MLC1: variants seen among roughly 807,000 people sequenced by gnomAD.
MLC1 encodes modulator of VRAC current 1, also known as membrane protein MLC1.
MLC1 carries 32 observed loss-of-function variants against 44.7 expected under a neutral mutation model. That is an observed-to-expected ratio of 0.72 (90% CI 0.54 to 0.96). The LOEUF is 0.96. Ranked by LOEUF, MLC1 falls within the 40% of genes least tolerant of loss-of-function variation. The pLI, the probability that MLC1 is intolerant of heterozygous loss-of-function variation, is 0.00. For synonymous variants in MLC1, 190 were observed against 213.0 expected, an observed-to-expected ratio of 0.89 and a Z score of 0.94; for missense variants, 459 against 492.2, an observed-to-expected ratio of 0.93 and a Z score of 0.64.
intron 11 of MLC1, among the ~76,000 whole-genome samples, chr22:50,063,472 CAA>C (rs1186364376): frequency 3.0e-4 from 24 of 79,558 alleles, no homozygotes; most frequent in Admixed American, 9.9e-4. Flanking sequence ...GACTCCTTCT[CAA>C]AAAAAAAAAA....
intron 3 of MLC1, among the ~76,000 whole-genome samples, chr22:50,080,903 G>C (rs2281114): frequency 0.038 from 5,759 of 151,404 alleles, 197 homozygotes; most frequent in South Asian, 0.18. Context: ...CACACCTCTA[G>C]TCCCAACTAC....
In MLC1 at chr22:50,080,386, C is replaced by G; in HGVS notation, c.279G>C (p.Ser93=). 1 of 1,605,268 alleles carries G rather than the reference C, an allele frequency of 6.2e-7. No homozygotes were observed. The highest frequency in any genetic ancestry group is 8.5e-7 in the Non-Finnish European group (1 of 1,175,932). ...LRCAAGSCIP[S]AIVSFTVSRR... ...TGGAGACGGTGAAGCTCACAATTGCCGAGGGGATGCACTGGAATGAAACCG... is the reference window on the plus strand; with the variant it reads ...TGGAGACGGTGAAGCTCACAATTGCGGAGGGGATGCACTGGAATGAAACCG... The change falls in exon 4 of 12, where the codon TCG becomes TCC. Residue 93 remains serine (S), a synonymous_variant. Coordinates refer to ENST00000311597, the MANE Select transcript of MLC1 (RefSeq NM_015166.4).
chr22:50,074,907 G>T (rs1441750594), intron 7 of MLC1, among the ~76,000 whole-genome samples: 1 of 152,222 alleles, frequency 6.6e-6, no homozygotes, highest in East Asian at 1.9e-4. Flanking sequence ...CTTAAAAGTG[G>T]GTATAAATAG....
At chr22:50,080,305 C>T (rs774478369) in intron 4 of MLC1, 39 bp downstream of exon 4, 2 of 1,586,606 alleles carry the variant, frequency 1.3e-6, no homozygotes, top group Admixed American at 3.5e-5. Flanking sequence ...GCCCCTCCGG[C>T]TTTCTCCCTG....
intron 5 of MLC1, 37 bp downstream of exon 5, chr22:50,079,881 G>A (rs1252962310): frequency 2.1e-6 from 3 of 1,409,118 alleles, no homozygotes; most frequent in Non-Finnish European, 3.0e-6. Context: ...TGGGGCTGTG[G>A]GTGTCAGGCG....
Position 50,076,930 on chromosome 22 carries a change from T to G in MLC1, c.526-18A>C. The G allele has an allele frequency of 6.2e-7, 1 of 1,613,800 alleles. No homozygotes were observed. Among genetic ancestry groups the G allele is most frequent in the Non-Finnish European group, 8.5e-7 (1 of 1,179,796 alleles). On this transcript the variant is annotated intron_variant, in intron 6 of 11. Coordinates refer to ENST00000311597, the MANE Select transcript of MLC1 (RefSeq NM_015166.4). The stretch of plus-strand genomic sequence containing the variant: ...ATGGAGCCCTACGAAGAAACAGAAC[T>G]GTCACCCCGGGTGCACGGGCACAGG...
chr22:50,084,053 G>A (rs1311332299), intron 2 of MLC1, among the ~76,000 whole-genome samples: 1 of 152,162 alleles, frequency 6.6e-6, no homozygotes, highest in Non-Finnish European at 1.5e-5. Flanking sequence ...CACAGGGAGG[G>A]GAGAAATCAC....
intron 8 of MLC1, 78 bp from the exon 9 acceptor site, chr22:50,070,661 GT>G: frequency 6.9e-7 from 1 of 1,439,436 alleles, no homozygotes; most frequent in Non-Finnish European, 9.5e-7. Context: ...CCTCCCACCA[GT>G]GACCCCTCCA....
rs2033708755 is a variant in MLC1 at position 50,084,784 on chromosome 22, G to A, written c.119C>T (p.Ser40Leu). 10 of 1,614,006 alleles carry A rather than the reference G, an allele frequency of 6.2e-6. No individual in the cohort carries two copies. The highest frequency in any genetic ancestry group is 3.3e-5 in the Admixed American group (2 of 60,008). Residue 40 changes from serine (S) to leucine (L), a missense_variant, in exon 2 of 12, where the codon TCG becomes TTG. By Grantham distance (145) the Ser-to-Leu change is moderately radical. Coordinates refer to ENST00000311597, the MANE Select transcript of MLC1 (RefSeq NM_015166.4). ...PDAKPSDLQL[S>L]KRLPPCFSHK... Reference sequence around the variant, plus strand: ...GCTGAAGCAGGGGGGCAGTCTCTTCGACAGCTGCAGGTCGCTCGGCTTCGC... The same window carrying A: ...GCTGAAGCAGGGGGGCAGTCTCTTCAACAGCTGCAGGTCGCTCGGCTTCGC...
rs770416370 is a variant in MLC1, at chr22:50,070,546, T to G, written c.752A>C (p.Glu251Ala). Residue 251 changes from glutamate (E) to alanine (A), a missense_variant, in exon 9 of 12, where the codon GAG becomes GCG. Physicochemically the swap from Glu to Ala is moderately radical, Grantham distance 107. Coordinates refer to ENST00000311597, the MANE Select transcript of MLC1 (RefSeq NM_015166.4). ...PSAIASHVAA[E>A]CPSKCLVEVL... ...ACCCACCAGACACTTGCTGGGACAC[T>G]CTGCTGCCACATGACTGGCAATGGC... is the stretch of plus-strand genomic sequence containing the variant. The G allele has an allele frequency of 1.9e-6, 3 of 1,564,940 alleles. No individual in the cohort carries two copies. The South Asian group carries it at 3.5e-5, about 18-fold the overall frequency.
intron 11 of MLC1, among the ~76,000 whole-genome samples, chr22:50,063,685 C>T (rs1176404349): frequency 7.0e-6 from 1 of 143,804 alleles, no homozygotes; most frequent in Admixed American, 6.9e-5. Flanking sequence ...ACCCCTGAAA[C>T]CCACAGGCCT....
chr22:50,077,680 G>C (rs2062018659), intron 5 of MLC1, among the ~76,000 whole-genome samples, 178 bp from the exon 6 acceptor site: 1 of 152,186 alleles, frequency 6.6e-6, no homozygotes, highest in Non-Finnish European at 1.5e-5. Flanking sequence ...TGCCTCACAT[G>C]GGCCTTTGGG....
intron 7 of MLC1, among the ~76,000 whole-genome samples, chr22:50,074,915 T>C (rs917227038): frequency 1.3e-5 from 2 of 152,224 alleles, no homozygotes; most frequent in African/African-American, 4.8e-5. Flanking sequence ...TGGGTATAAA[T>C]AGGAGGCAGA....
chr22:50,061,909 T>A (rs1271532044), intron 11 of MLC1, among the ~76,000 whole-genome samples: 1 of 152,182 alleles, frequency 6.6e-6, no homozygotes, highest in Non-Finnish European at 1.5e-5. Flanking sequence ...GAGCAGCCCT[T>A]CACTCGGCCC....
At chr22:50,069,928 G>A (rs376377072) in intron 9 of MLC1, among the ~76,000 whole-genome samples, 47 of 152,072 alleles carry the variant, frequency 3.1e-4, no homozygotes, top group African/African-American at 9.4e-4. Context: ...TCGGCCGGGC[G>A]TGGTGGCTCA....
chr22:50,076,986 C>T (rs2061999586), intron 6 of MLC1, 74 bp from the exon 7 acceptor site: 7 of 1,543,616 alleles, frequency 4.5e-6, no homozygotes, highest in East Asian at 4.5e-5. Flanking sequence ...ATCCGGCCGC[C>T]GTGGGCAGTG....
chr22:50,083,103 A>C lies in MLC1; in HGVS notation c.248T>G (p.Leu83Trp), dbSNP rs1360582926. Reference sequence around the variant, plus strand: ...GCTTACAGAGCCTGCAGCACAGCGCAAGTAATCCATCTCAGCCGGGAACAC... The same window carrying C: ...GCTTACAGAGCCTGCAGCACAGCGCCAGTAATCCATCTCAGCCGGGAACAC... ...GNVFPAEMDY[L>W]RCAAGSCIPS... Residue 83 changes from leucine (L) to tryptophan (W), a missense_variant, in exon 3 of 12, where the codon TTG becomes TGG. Leu to Trp is a moderately conservative substitution (Grantham distance 61). Coordinates refer to ENST00000311597, the MANE Select transcript of MLC1 (RefSeq NM_015166.4). This position sits in a 1 kb window ranked among gnomAD's most constrained non-coding sequence, Gnocchi z 4.6. 1.2e-6 allele frequency: 2 copies of C among 1,613,994 alleles called. No individual in the cohort carries two copies. Among genetic ancestry groups the C allele is most frequent in the East Asian group, 4.5e-5 (2 of 44,898 alleles).
chr22:50,072,524 G>C (rs1225696281), intron 8 of MLC1, among the ~76,000 whole-genome samples: 1 of 152,192 alleles, frequency 6.6e-6, no homozygotes, highest in East Asian at 1.9e-4. Flanking sequence ...GATGGGCAGG[G>C]GGTGCTCTCC....
intron 11 of MLC1, among the ~76,000 whole-genome samples, chr22:50,062,425 G>A (rs937872357): frequency 4.6e-5 from 7 of 152,336 alleles, no homozygotes; most frequent in Non-Finnish European, 8.8e-5. Context: ...AAACCCAGGC[G>A]GGTCTCATTT....
Sources: gnomAD v4.1 joint callset for allele counts (sites outside exome capture counted in the v4.1 genomes callset) on GRCh38, gnomAD v4.1.1 for gene constraint, Gnocchi (gnomAD v3.1) non-coding constraint, MANE v1.5 for transcripts, NCBI Gene and HGNC (gene_info 2026-07-23, HGNC 2026-07-21) for gene names.